The following FKBP15 variants were observed in gnomAD, a reference collection of about 807,000 sequenced individuals.
The protein encoded by FKBP15 is FK506-binding protein 15.
Under a neutral mutation model 158.1 loss-of-function variants are expected in FKBP15, and 106 were observed. The observed-to-expected ratio is 0.67, with a 90% CI of 0.57 to 0.79. The LOEUF is 0.79. FKBP15 is among the 30% of genes least tolerant of loss of function. The pLI, the probability that FKBP15 is intolerant of heterozygous loss-of-function variation, is 0.00. For synonymous variants in FKBP15, 547 were observed against 548.6 expected (o/e 1.00, Z 0.04); for missense variants, 1,287 against 1,479.1 (o/e 0.87, Z 2.13).
chr9:113,217,658 A>G (rs1831166517), intron 1 of FKBP15, among the ~76,000 whole-genome samples: 1 of 152,044 alleles, frequency 6.6e-6, no homozygotes, highest in Admixed American at 6.6e-5. Flanking sequence ...CCTGAGCAAT[A>G]TAGCAAGAAC....
Position 113,166,005 on chromosome 9 carries a change from C to G in FKBP15, c.*73G>C. ...GACCTCACCCTGTGGTTCGCCTAGA[C>G]CCAGGGTTGGCTGTGCAAAATCATG... On this transcript the variant is annotated 3_prime_UTR_variant, in exon 28 of 28. Transcript: ENST00000238256. 1 of 1,455,232 alleles carries G rather than the reference C, an allele frequency of 6.9e-7. No homozygotes were observed. Among genetic ancestry groups the G allele is most frequent in the Non-Finnish European group, 9.4e-7 (1 of 1,058,260 alleles). 90.1% of individuals were successfully genotyped at this position (1,455,232 alleles called of 1,614,324 possible). A position where few individuals can be genotyped will look rare whatever the true frequency, so the allele number is the denominator to read the frequency against.
intron 1 of FKBP15, among the ~76,000 whole-genome samples, chr9:113,216,083 G>GAAAA (rs71491081): frequency 0.047 from 4,042 of 85,846 alleles, 145 homozygotes; most frequent in African/African-American, 0.06. Flanking sequence ...TTTATTTTGT[G>GAAAA]AAAAAAAAAA....
At chr9:113,166,180 A>C in intron 27 of FKBP15, 25 bp from the exon 28 acceptor site, 1 of 1,598,320 alleles carries the variant, frequency 6.3e-7, no homozygotes, top group Non-Finnish European at 8.5e-7. Context: ...AAGAGCAGTC[A>C]GTCCTCACTT....
At chr9:113,180,981 A>T (rs1830385567) in intron 19 of FKBP15, among the ~76,000 whole-genome samples, 1 of 152,196 alleles carries the variant, frequency 6.6e-6, no homozygotes, top group South Asian at 2.1e-4. Context: ...CACCAGGAAA[A>T]CTGTTAAGTG....
rs1414811943 is a variant in FKBP15 at position 113,203,055 on chromosome 9, G to C, written c.325-20C>G. The C allele has an allele frequency of 1.4e-6, 2 of 1,467,248 alleles. No individual in the cohort carries two copies. The highest frequency in any genetic ancestry group is 3.2e-5 in the African/African-American group (2 of 63,100). 90.9% of individuals were successfully genotyped at this position (1,467,248 alleles called of 1,614,324 possible). On this transcript the variant is annotated intron_variant, in intron 4 of 27. Transcript: ENST00000238256. Reference sequence around the variant, plus strand: ...CCTATACTGTAGACAAGCAACGACAGATAGAAAAAAAAAAAGAGAGACAGC... The same window carrying C: ...CCTATACTGTAGACAAGCAACGACACATAGAAAAAAAAAAAGAGAGACAGC...
intron 21 of FKBP15, 133 bp downstream of exon 21, chr9:113,176,404 T>A (rs1024195814): frequency 3.1e-6 from 3 of 966,794 alleles, no homozygotes; most frequent in Non-Finnish European, 2.9e-6. Context: ...GCGGGGAAAA[T>A]TTTTTTTTAA....
At chr9:113,185,956 T>C (rs1477950795) in intron 15 of FKBP15, among the ~76,000 whole-genome samples, 3 of 151,934 alleles carry the variant, frequency 2.0e-5, no homozygotes, top group Non-Finnish European at 1.5e-5. Context: ...GGGGAGAAAA[T>C]CCAAGGAAAA....
chr9:113,218,391 A>T (rs199947839), intron 1 of FKBP15, among the ~76,000 whole-genome samples: 1,918 of 64,024 alleles, frequency 0.03, 22 homozygotes, highest in African/African-American at 0.084. Flanking sequence ...ATATATATAT[A>T]TATATATATA....
At chr9:113,196,235 C>T (rs535623904) in intron 9 of FKBP15, among the ~76,000 whole-genome samples, 146 of 152,088 alleles carry the variant, frequency 9.6e-4, no homozygotes, top group Non-Finnish European at 1.6e-3. Context: ...CGTAGTAAAA[C>T]GTACACACAC....
chr9:113,170,535 A>G lies in FKBP15; in HGVS notation c.2753T>C (p.Met918Thr). The change falls in exon 25 of 28, where the codon ATG becomes ACG. Residue 918 changes from methionine to threonine, a missense_variant. Transcript: ENST00000238256. The stretch of plus-strand genomic sequence containing the variant: ...GGCTGGCTGTACCTTGATCGTATTC[A>G]TGATGGTTCCCAGAATGGTCCTGCC... ...YNGRTILGTI[M>T]NTIKMVTLQL... 6.2e-7 allele frequency: 1 copy of G among 1,612,708 alleles called. No individual in the cohort carries two copies. The highest frequency in any genetic ancestry group is 1.1e-5 in the South Asian group (1 of 91,068).
At chr9:113,167,878 T>C (rs12340409) in intron 27 of FKBP15, among the ~76,000 whole-genome samples, 10,761 of 116,492 alleles carry the variant, frequency 0.092, 473 homozygotes, top group South Asian at 0.16. Flanking sequence ...GAAGCTATGC[T>C]ATTAATACTG....
chr9:113,174,855 G>T (rs1830275282), intron 21 of FKBP15, among the ~76,000 whole-genome samples: 1 of 5,096 alleles, frequency 2.0e-4, no homozygotes. Context: ...GAGGTCAGGA[G>T]ATCGAGACCA....
chr9:113,170,060 G>T, intron 25 of FKBP15, 118 bp from the exon 26 acceptor site: 1 of 1,297,196 alleles, frequency 7.7e-7, no homozygotes, highest in South Asian at 1.6e-5. Context: ...TGTTAAAAGA[G>T]GCTGACTATA....
rs1403017886 is a variant in FKBP15, at chr9:113,169,340, G to A, written c.3369C>T (p.Leu1123=). ...ESPGEPQPPQ[L]KKDDVTSSTG... ...TGGAGCTAGTGACATCATCTTTCTT[G>A]AGCTGTGGAGGCTGAGGCTCTCCTG... is the stretch of plus-strand genomic sequence containing the variant. The change falls in exon 26 of 28, where the codon CTC becomes CTT. Residue 1123 remains leucine (L), a synonymous_variant. Transcript: ENST00000238256. The A allele has an allele frequency of 6.8e-6, 11 of 1,613,958 alleles. No individual in the cohort carries two copies. Among genetic ancestry groups the A allele is most frequent in the African/African-American group, 2.7e-5 (2 of 74,944 alleles).
At chr9:113,207,393 G>A (rs1830911256) in intron 2 of FKBP15, 97 bp from the exon 3 acceptor site, 3 of 874,370 alleles carry the variant, frequency 3.4e-6, no homozygotes, top group Non-Finnish European at 5.3e-6. Context: ...AGGCTGGAGT[G>A]CAGTGGCGTG....
intron 2 of FKBP15, 22 bp downstream of exon 2, chr9:113,211,455 G>A (rs750300545): frequency 5.3e-5 from 83 of 1,576,730 alleles, no homozygotes; most frequent in Non-Finnish European, 6.0e-5. Flanking sequence ...CACCTCGCTC[G>A]GCTAATACAC....
At chr9:113,206,202 G>C (rs913067427) in intron 4 of FKBP15, 3 of 403,654 alleles carry the variant, frequency 7.4e-6, no homozygotes, top group African/African-American at 6.1e-5. Flanking sequence ...GTGTATTTGT[G>C]TATGTGTGTG....
chr9:113,212,226 T>C lies in FKBP15; in HGVS notation c.54-634A>G, dbSNP rs202086031. On this transcript the variant is annotated intron_variant, in intron 1 of 27. Coordinates refer to ENST00000238256, the MANE Select transcript of FKBP15 (RefSeq NM_015258.2). Reference sequence around the variant, plus strand: ...TTTTTTTAGATGGAGTTTCACTCTGTTGCCCAGGCTGGAGTGCAGTGGTGT... The same window carrying C: ...TTTTTTTAGATGGAGTTTCACTCTGCTGCCCAGGCTGGAGTGCAGTGGTGT... 7.5e-4 allele frequency among the ~76,000 whole-genome samples: 114 copies of C among 152,316 alleles called. 1 individual carries two copies. In the East Asian group the frequency reaches 0.021, roughly 28 times the overall value.
chr9:113,190,573 G>C lies in FKBP15; in HGVS notation c.1071C>G (p.Pro357=), dbSNP rs142982699. The C allele has an allele frequency of 6.2e-7, 1 of 1,606,990 alleles. No individual in the cohort carries two copies. Among genetic ancestry groups the C allele is most frequent in the East Asian group, 2.2e-5 (1 of 44,662 alleles). ...AGATCAACTTGGCTTTGACTGCATC[G>C]GGACTCTAAAAAGAGAGGAAAGTCA... ...LSEQLAINTS[P]DAVKAKLISR... is the part of the protein sequence containing the mutation. The change falls in exon 12 of 28, where the codon CCC becomes CCG. Residue 357 remains proline, a synonymous_variant. Coordinates refer to ENST00000238256, the MANE Select transcript of FKBP15 (RefSeq NM_015258.2).
Sources: gnomAD v4.1 joint callset for allele counts (sites outside exome capture counted in the v4.1 genomes callset) on GRCh38, gnomAD v4.1.1 for gene constraint, MANE v1.5 for transcripts, NCBI Gene and HGNC (gene_info 2026-07-23, HGNC 2026-07-21) for gene names.